Variants in RELN observed in about 807,000 individuals in gnomAD.
The protein encoded by RELN is reelin.
A neutral mutation model predicts 427.6 loss-of-function variants in RELN; 108 were observed. The observed-to-expected ratio is 0.25, with a 90% CI of 0.22 to 0.30. RELN has a LOEUF of 0.30. Among genes scored for constraint, RELN ranks in the 10% least tolerant of loss-of-function variants. The probability of loss-of-function intolerance (pLI) is 1.00; values close to 1 mark genes in which losing one functional copy is unlikely to be tolerated. For synonymous variants in RELN, 1,524 were observed against 1,513.4 expected (o/e 1.01, Z -0.16); for missense variants, 3,715 against 4,302.8 (o/e 0.86, Z 3.82).
chr7:103,894,975 C>A (rs748175156), intron 2 of RELN, among the ~76,000 whole-genome samples: 11 of 152,096 alleles, frequency 7.2e-5, no homozygotes, highest in Admixed American at 2.0e-4. Context: ...GTAATCTTTA[C>A]ATAATGTGTA....
intron 12 of RELN, among the ~76,000 whole-genome samples, chr7:103,657,143 A>G (rs6961360): frequency 0.36 from 55,123 of 151,834 alleles, 10,133 homozygotes; most frequent in South Asian, 0.41. Context: ...GGAGAAGTCA[A>G]GTATGGTGAC....
At chr7:103,574,772 A>G (rs747815244) in intron 29 of RELN, among the ~76,000 whole-genome samples, 7 of 152,234 alleles carry the variant, frequency 4.6e-5, no homozygotes, top group Non-Finnish European at 1.0e-4. Context: ...AGGCTGGGAT[A>G]CTGAAAAGCT....
intron 57 of RELN, among the ~76,000 whole-genome samples, chr7:103,493,138 A>G (rs934095255): frequency 1.3e-5 from 2 of 152,198 alleles, no homozygotes; most frequent in African/African-American, 4.8e-5. Context: ...TGTCAAAGAC[A>G]GATAGGAGTG....
intron 28 of RELN, among the ~76,000 whole-genome samples, chr7:103,583,027 C>A (rs2117224655): frequency 6.6e-6 from 1 of 152,098 alleles, no homozygotes; most frequent in South Asian, 2.1e-4. Flanking sequence ...GCTCTTAAAG[C>A]CATATGTCTC....
intron 51 of RELN, among the ~76,000 whole-genome samples, chr7:103,506,998 A>T (rs1829236400): frequency 6.6e-6 from 1 of 152,222 alleles, no homozygotes; most frequent in Non-Finnish European, 1.5e-5. Context: ...TTCTAAATAT[A>T]TATGCACCCA....
intron 1 of RELN, among the ~76,000 whole-genome samples, chr7:103,962,524 G>C (rs1796578398): frequency 6.6e-6 from 1 of 151,844 alleles, no homozygotes; most frequent in South Asian, 2.1e-4. Flanking sequence ...TCGTTGCACT[G>C]AGGCACCTCA....
chr7:103,799,093 C>T (rs11761011), intron 3 of RELN, among the ~76,000 whole-genome samples: 8,216 of 152,192 alleles, frequency 0.054, 335 homozygotes, highest in Non-Finnish European at 0.08. Context: ...AACAAAATTG[C>T]AATTTACAGT....
At chr7:103,913,999 TGTC>T (rs1383927670) in intron 2 of RELN, among the ~76,000 whole-genome samples, 1 of 152,186 alleles carries the variant, frequency 6.6e-6, no homozygotes, top group Non-Finnish European at 1.5e-5. Context: ...AGCTCAAAAG[TGTC>T]TTTGGACCAT....
chr7:103,868,498 T>C (rs929142136), intron 2 of RELN, among the ~76,000 whole-genome samples: 4 of 152,110 alleles, frequency 2.6e-5, no homozygotes, highest in African/African-American at 9.7e-5. Flanking sequence ...TACTAAGAAA[T>C]TGTCCTTAGT....
chr7:103,739,751 C>T (rs187388320), intron 6 of RELN, among the ~76,000 whole-genome samples: 144 of 152,332 alleles, frequency 9.5e-4, no homozygotes, highest in African/African-American at 3.3e-3. Flanking sequence ...TGAAGGGCCA[C>T]TTCCCTAGCA....
rs528192726 is a variant in RELN, at chr7:103,572,729, C to T, written c.4512-469G>A. ...TTTCCTTTTGTATTTTTAGTAGAGA[C>T]GGGGCTAACACGGTGAAACCCCGTC... On this transcript the variant is annotated intron_variant, in intron 30 of 64. Coordinates refer to ENST00000428762, the MANE Select transcript of RELN (RefSeq NM_005045.4). Among the ~76,000 whole-genome samples the T allele has an allele frequency of 6.6e-5, 10 of 151,218 alleles. No individual in the cohort carries two copies. In the South Asian group the frequency reaches 1.5e-3, roughly 22 times the overall value.
chr7:103,736,477 G>A (rs537740075), intron 6 of RELN, among the ~76,000 whole-genome samples: 19 of 152,142 alleles, frequency 1.2e-4, no homozygotes, highest in Admixed American at 7.9e-4. Flanking sequence ...CTGTAAATGC[G>A]AAAATGACAA....
intron 1 of RELN, among the ~76,000 whole-genome samples, chr7:103,932,767 A>G (rs1795893654): frequency 6.6e-6 from 1 of 152,174 alleles, no homozygotes; most frequent in African/African-American, 2.4e-5. Flanking sequence ...AACTTTGGGA[A>G]ATGGTGTAAA....
intron 1 of RELN, among the ~76,000 whole-genome samples, chr7:103,946,876 GAATT>G (rs1343831902): frequency 6.6e-6 from 1 of 152,150 alleles, no homozygotes; most frequent in Non-Finnish European, 1.5e-5. Flanking sequence ...CATCCATGAT[GAATT>G]ATTTGTAGAA....
intron 2 of RELN, among the ~76,000 whole-genome samples, chr7:103,862,240 C>T (rs1794086186): frequency 6.6e-6 from 1 of 152,088 alleles, no homozygotes; most frequent in South Asian, 2.1e-4. Context: ...TGCTTGACTG[C>T]CAGTAAAGTT....
chr7:103,834,586 T>C (rs564699227), intron 2 of RELN, among the ~76,000 whole-genome samples: 77 of 152,178 alleles, frequency 5.1e-4, no homozygotes, highest in Middle Eastern at 6.8e-3. Context: ...AAAATAGTAA[T>C]AAATAACTCA....
At chr7:103,752,733 A>T (rs1056787692) in intron 5 of RELN, among the ~76,000 whole-genome samples, 1 of 152,232 alleles carries the variant, frequency 6.6e-6, no homozygotes, top group Non-Finnish European at 1.5e-5. Context: ...ATTTTTAAAG[A>T]AATGACAAAA....
At chr7:103,949,428 T>C (rs1356754343) in intron 1 of RELN, among the ~76,000 whole-genome samples, 1 of 150,956 alleles carries the variant, frequency 6.6e-6, no homozygotes, top group Non-Finnish European at 1.5e-5. Flanking sequence ...TATTTAGAGG[T>C]GGGGACTTTG....
At chr7:103,731,927 T>A (rs765491471) in intron 6 of RELN, among the ~76,000 whole-genome samples, 1 of 152,198 alleles carries the variant, frequency 6.6e-6, no homozygotes, top group Non-Finnish European at 1.5e-5. Context: ...AATGTTTACA[T>A]TTTTAAATAC....
Sources: gnomAD v4.1 joint callset for allele counts (sites outside exome capture counted in the v4.1 genomes callset) on GRCh38, gnomAD v4.1.1 for gene constraint, MANE v1.5 for transcripts, NCBI Gene and HGNC (gene_info 2026-07-23, HGNC 2026-07-21) for gene names.